Variants in SNX6 observed in about 807,000 individuals in gnomAD.
SNX6 encodes the protein sorting nexin-6.
A neutral mutation model predicts 63.0 loss-of-function variants in SNX6; 34 were observed. The observed-to-expected ratio is 0.54, with a 90% confidence interval of 0.41 to 0.72. The LOEUF (loss-of-function observed/expected upper bound fraction) is 0.72. Ranked by LOEUF, SNX6 falls within the 30% of genes least tolerant of loss-of-function variation. The probability of loss-of-function intolerance (pLI) is 0.00; values close to 1 mark genes in which losing one functional copy is unlikely to be tolerated. For synonymous variants in SNX6, 170 were observed against 164.2 expected (o/e 1.04, Z -0.27); for missense variants, 398 against 471.4 (o/e 0.84, Z 1.44).
chr14:34,600,281 C>T (rs535828686), intron 6 of SNX6, among the ~76,000 whole-genome samples: 132 of 152,176 alleles, frequency 8.7e-4, no homozygotes, highest in African/African-American at 3.1e-3. Context: ...AGCGCCACCA[C>T]GTCCAGCTTA....
At chr14:34,616,624 C>A (rs1046582282) in intron 2 of SNX6, among the ~76,000 whole-genome samples, 4 of 152,096 alleles carry the variant, frequency 2.6e-5, no homozygotes, top group Non-Finnish European at 5.9e-5. Flanking sequence ...GTTTGGCTTC[C>A]CGAACCACTG....
At chr14:34,574,268 G>A (rs1415199962) in intron 11 of SNX6, among the ~76,000 whole-genome samples, 1 of 150,438 alleles carries the variant, frequency 6.6e-6, no homozygotes, top group Non-Finnish European at 1.5e-5. Context: ...GCCGGGAGGC[G>A]GAGGTTGCAG....
chr14:34,592,451 C>T (rs1287126772), intron 8 of SNX6, among the ~76,000 whole-genome samples: 1 of 152,114 alleles, frequency 6.6e-6, no homozygotes, highest in African/African-American at 2.4e-5. Context: ...AGTTTGTTGC[C>T]ACTGACTTGA....
chr14:34,589,118 G>A (rs1193596182), intron 8 of SNX6, among the ~76,000 whole-genome samples: 1 of 151,814 alleles, frequency 6.6e-6, no homozygotes, highest in Non-Finnish European at 1.5e-5. Context: ...TCCAGTCTTG[G>A]TGACAGAGTG....
intron 2 of SNX6, among the ~76,000 whole-genome samples, chr14:34,628,234 T>C (rs1883903821): frequency 6.6e-6 from 1 of 151,056 alleles, no homozygotes; most frequent in South Asian, 2.1e-4. Flanking sequence ...CCGGGGTGGG[T>C]AGATCACGAG....
chr14:34,597,215 T>G (rs1455065295), intron 7 of SNX6, among the ~76,000 whole-genome samples: 4 of 152,160 alleles, frequency 2.6e-5, no homozygotes, highest in Non-Finnish European at 5.9e-5. Flanking sequence ...GTGAATGGCA[T>G]GAACTCAGGA....
intron 5 of SNX6, 24 bp downstream of exon 5, chr14:34,605,570 AAC>A: frequency 6.6e-7 from 1 of 1,518,376 alleles, no homozygotes; most frequent in Non-Finnish European, 8.8e-7. Context: ...AAAAAAAAAA[AAC>A]AAAAAAATAA....
intron 13 of SNX6, among the ~76,000 whole-genome samples, chr14:34,564,926 G>A (rs555689862): frequency 6.6e-6 from 1 of 151,286 alleles, no homozygotes; most frequent in Non-Finnish European, 1.5e-5. Context: ...TAAATAATAA[G>A]TATTTTAGGC....
In SNX6 at chr14:34,593,157, G is replaced by C. The variant is rs1433628922; in HGVS notation, c.613-7C>G. ...CAAAGAAATCATCTACATCCTATAA[G>C]ATCAAAAGAAAATATAAACTTTTTT... On this transcript the variant is annotated splice_polypyrimidine_tract_variant and splice_region_variant and intron_variant, in intron 7 of 13. Coordinates refer to ENST00000362031, the MANE Select transcript of SNX6 (RefSeq NM_152233.4). 2 of 1,533,912 alleles carry C rather than the reference G, an allele frequency of 1.3e-6. No homozygotes were observed. Among genetic ancestry groups the C allele is most frequent in the African/African-American group, 2.8e-5 (2 of 71,876 alleles).
Position 34,605,603 on chromosome 14 carries a change from G to T in SNX6, c.385C>A (p.Leu129Met). 1 of 1,572,950 alleles carries T rather than the reference G, an allele frequency of 6.4e-7. No homozygotes were observed. Among genetic ancestry groups the T allele is most frequent in the Non-Finnish European group, 8.6e-7 (1 of 1,166,142 alleles). The change falls in exon 5 of 14, where the codon CTG (leucine) becomes ATG (methionine). Residue 129 changes from leucine to methionine, a missense_variant. Transcript: ENST00000362031. ...KEEFTKMKQE[L>M]EAEYLAIFKK... Reference sequence around the variant, plus strand: ...AATAAAAAAATCACTTACGCTTCCAGTTCCTGTTTCATCTTTGTGAATTCT... The same window carrying T: ...AATAAAAAAATCACTTACGCTTCCATTTCCTGTTTCATCTTTGTGAATTCT...
At chr14:34,612,747 T>TA (rs1883279338) in intron 2 of SNX6, among the ~76,000 whole-genome samples, 2 of 151,708 alleles carry the variant, frequency 1.3e-5, no homozygotes, top group African/African-American at 4.8e-5. Context: ...ACATTATCCT[T>TA]ATATATAAAA....
chr14:34,592,777 C>G (rs575010548), intron 8 of SNX6, among the ~76,000 whole-genome samples: 3 of 152,190 alleles, frequency 2.0e-5, no homozygotes, highest in African/African-American at 7.2e-5. Context: ...GGATCTTACT[C>G]TGTTGCTCAG....
At chr14:34,578,963 AAAAG>A (rs1274251991) in intron 10 of SNX6, among the ~76,000 whole-genome samples, 1 of 148,572 alleles carries the variant, frequency 6.7e-6, no homozygotes, top group African/African-American at 2.4e-5. Flanking sequence ...AAAAAAAAAA[AAAAG>A]GTTAAACTAA....
chr14:34,623,743 A>G (rs1883715551), intron 2 of SNX6, among the ~76,000 whole-genome samples: 1 of 152,210 alleles, frequency 6.6e-6, no homozygotes, highest in Non-Finnish European at 1.5e-5. Context: ...AAGTGATGCT[A>G]TTAATGAAGA....
chr14:34,575,436 G>C (rs1472125178), intron 11 of SNX6, among the ~76,000 whole-genome samples: 1 of 152,110 alleles, frequency 6.6e-6, no homozygotes. Flanking sequence ...CTGACGTCAG[G>C]TGATCCTCTG....
chr14:34,597,045 T>C (rs1194299897), intron 7 of SNX6, among the ~76,000 whole-genome samples: 2 of 152,322 alleles, frequency 1.3e-5, no homozygotes, highest in East Asian at 3.9e-4. Context: ...ATGTTAAATG[T>C]AAAAACAGAA....
intron 8 of SNX6, among the ~76,000 whole-genome samples, chr14:34,589,196 C>T (rs1162017685): frequency 1.3e-5 from 2 of 152,062 alleles, no homozygotes; most frequent in South Asian, 2.1e-4. Context: ...TGGCTCACGC[C>T]TGTAATCCCA....
chr14:34,609,649 C>T lies in SNX6; in HGVS notation c.148G>A (p.Val50Ile), dbSNP rs1387646846. The part of the protein sequence containing the change: ...LSERDKVKFT[V>I]HTKSSLPNFK... ...AAAATCACATTTACCTTTGTGTGAA[C>T]AGTGAATTTTACTTTATCCCGCTCA... The change falls in exon 3 of 14, where the codon GTT becomes ATT. Residue 50 changes from valine (V) to isoleucine (I), a missense_variant. Coordinates refer to ENST00000362031, the MANE Select transcript of SNX6 (RefSeq NM_152233.4). The T allele has an allele frequency of 6.2e-7, 1 of 1,602,082 alleles. No homozygotes were observed. Among genetic ancestry groups the T allele is most frequent in the Non-Finnish European group, 8.5e-7 (1 of 1,170,384 alleles).
chr14:34,575,904 C>T, intron 10 of SNX6, 62 bp from the exon 11 acceptor site: 4 of 981,362 alleles, frequency 4.1e-6, no homozygotes, highest in Non-Finnish European at 3.0e-6. Flanking sequence ...CAGTGGTTTC[C>T]TTCTTTTTGT....
Sources: allele counts gnomAD v4.1 joint callset (sites outside exome capture counted in the v4.1 genomes callset), GRCh38; gene constraint gnomAD v4.1.1; transcripts MANE v1.5; gene names NCBI Gene and HGNC (gene_info 2026-07-23, HGNC 2026-07-21).